PCDH9: variants seen among roughly 807,000 people sequenced by gnomAD.
PCDH9 encodes protocadherin 9.
PCDH9 carries 24 observed loss-of-function variants against 70.6 expected under a neutral mutation model. That is an observed-to-expected ratio of 0.34 (90% CI 0.25 to 0.48). PCDH9 has a LOEUF of 0.48. Among genes scored for constraint, PCDH9 ranks in the 20% least tolerant of loss-of-function variants. The probability of loss-of-function intolerance (pLI) is 0.99; values close to 1 mark genes in which losing one functional copy is unlikely to be tolerated. For synonymous variants in PCDH9, 562 were observed against 558.5 expected (o/e 1.01, Z -0.09); for missense variants, 1,281 against 1,503.6 (o/e 0.85, Z 2.45).
At chr13:67,105,608 C>A (rs973093873) in intron 2 of PCDH9, among the ~76,000 whole-genome samples, 1 of 152,020 alleles carries the variant, frequency 6.6e-6, no homozygotes, top group Non-Finnish European at 1.5e-5. Context: ...AGAAATGATG[C>A]AGCATCTTTT....
At chr13:67,107,868 G>A (rs1037409390) in intron 2 of PCDH9, among the ~76,000 whole-genome samples, 5 of 152,222 alleles carry the variant, frequency 3.3e-5, no homozygotes, top group South Asian at 4.1e-4. Context: ...AGCCAGGGCT[G>A]TAACACCCTC....
intron 4 of PCDH9, among the ~76,000 whole-genome samples, chr13:66,510,997 A>G (rs1208430487): frequency 2.0e-5 from 3 of 152,182 alleles, no homozygotes; most frequent in African/African-American, 7.2e-5. Flanking sequence ...TGTTGTGGCA[A>G]TGTTTCCTTT....
At chr13:66,467,415 T>C (rs1340816951) in intron 4 of PCDH9, among the ~76,000 whole-genome samples, 1 of 152,040 alleles carries the variant, frequency 6.6e-6, no homozygotes, top group Non-Finnish European at 1.5e-5. Context: ...CTAGAAATTG[T>C]CTACCCCTCT....
At chr13:66,453,754 A>G (rs1056477208) in intron 4 of PCDH9, among the ~76,000 whole-genome samples, 5 of 152,272 alleles carry the variant, frequency 3.3e-5, no homozygotes, top group East Asian at 1.9e-4. Context: ...GAGGACATCA[A>G]TGGATTCTAC....
intron 3 of PCDH9, among the ~76,000 whole-genome samples, chr13:66,828,930 TTATCTC>T (rs1594115108): frequency 6.6e-6 from 1 of 152,092 alleles, no homozygotes; most frequent in East Asian, 1.9e-4. Context: ...ATAAGGATGT[TTATCTC>T]TATTAGGTGT....
chr13:67,164,981 C>A (rs776425591), intron 2 of PCDH9, among the ~76,000 whole-genome samples: 10 of 152,126 alleles, frequency 6.6e-5, no homozygotes, highest in Non-Finnish European at 5.9e-5. Flanking sequence ...AAAGCCCCAG[C>A]AGGGGAGAGA....
At chr13:67,094,405 C>CAT (rs2138220755) in intron 2 of PCDH9, among the ~76,000 whole-genome samples, 1 of 152,266 alleles carries the variant, frequency 6.6e-6, no homozygotes, top group African/African-American at 2.4e-5. Context: ...AGCTAATAGT[C>CAT]ATAGGTTAAA....
intron 4 of PCDH9, among the ~76,000 whole-genome samples, chr13:66,513,734 C>G (rs1959599508): frequency 6.6e-6 from 1 of 150,460 alleles, no homozygotes. Flanking sequence ...AAAAAAAAAG[C>G]CTGAACTATA....
At chr13:66,371,567 T>C (rs1260860802) in intron 4 of PCDH9, among the ~76,000 whole-genome samples, 1 of 151,994 alleles carries the variant, frequency 6.6e-6, no homozygotes, top group Non-Finnish European at 1.5e-5. Flanking sequence ...AAATAATGTG[T>C]CCTTTTGCAC....
intron 3 of PCDH9, among the ~76,000 whole-genome samples, chr13:66,744,582 G>C (rs888350870): frequency 6.6e-6 from 1 of 152,022 alleles, no homozygotes; most frequent in Non-Finnish European, 1.5e-5. Context: ...CTAGAAAGTT[G>C]TATGTCATTT....
rs77390710 is a variant in PCDH9, at chr13:66,902,644, C to T, written c.3138+860G>A. ...TATATGTTACAGCTGTAAAAAAATA[C>T]GTGAAACAGTATGTATGTTTTAATA... On this transcript the variant is annotated intron_variant, in intron 3 of 4. Coordinates refer to ENST00000377865, the MANE Select transcript of PCDH9 (RefSeq NM_203487.3). Among the ~76,000 whole-genome samples the T allele has an allele frequency of 4.7e-4, 71 of 151,564 alleles. 2 individuals carry two copies. In the East Asian group the frequency reaches 7.9e-3, roughly 17 times the overall value.
chr13:66,840,103 T>C (rs1405947173), intron 3 of PCDH9, among the ~76,000 whole-genome samples: 2 of 152,008 alleles, frequency 1.3e-5, no homozygotes, highest in Non-Finnish European at 2.9e-5. Context: ...GTTCACACCA[T>C]CTCTTCCCAC....
At chr13:66,873,674 T>G (rs2081740163) in intron 3 of PCDH9, among the ~76,000 whole-genome samples, 1 of 151,974 alleles carries the variant, frequency 6.6e-6, no homozygotes. Flanking sequence ...CCTCCCACAC[T>G]CCCACTCCCA....
At chr13:66,754,594 G>C (rs1014783294) in intron 3 of PCDH9, among the ~76,000 whole-genome samples, 1 of 152,040 alleles carries the variant, frequency 6.6e-6, no homozygotes, top group Non-Finnish European at 1.5e-5. Flanking sequence ...AGACGCTATA[G>C]GAATTCTGAA....
intron 3 of PCDH9, among the ~76,000 whole-genome samples, chr13:66,700,991 A>G (rs2078639111): frequency 7.5e-6 from 1 of 132,524 alleles, no homozygotes; most frequent in African/African-American, 2.8e-5. Flanking sequence ...GGTATAGGGC[A>G]TTAATTTAGA....
intron 3 of PCDH9, among the ~76,000 whole-genome samples, chr13:66,633,839 T>C (rs549047156): frequency 6.6e-6 from 1 of 152,218 alleles, no homozygotes; most frequent in Non-Finnish European, 1.5e-5. Context: ...TTAATGACGA[T>C]ATTTCTTCCT....
chr13:66,653,003 A>G (rs2077874614), intron 3 of PCDH9, among the ~76,000 whole-genome samples: 1 of 152,212 alleles, frequency 6.6e-6, no homozygotes, highest in Non-Finnish European at 1.5e-5. Context: ...ATAAAAATGT[A>G]TTAAAGACTT....
intron 3 of PCDH9, among the ~76,000 whole-genome samples, chr13:66,658,646 C>T (rs2077964650): frequency 6.6e-6 from 1 of 152,122 alleles, no homozygotes; most frequent in South Asian, 2.1e-4. Context: ...TGTATCTATA[C>T]ATTCTAGGTT....
rs763715477 is a variant in PCDH9, at chr13:67,226,662, T to C, written c.1779A>G (p.Val593=). ...CAGCATCTGCATCTGTCACTGTGAT[T>C]ACCCCCACAGTACTATACTTTGGCA... ...ENLPKYSTVG[V]ITVTDADAGE... The change falls in exon 2 of 5, where the codon GTA becomes GTG. Residue 593 remains valine, a synonymous_variant. Transcript: ENST00000377865. The surrounding 1 kb of genome is among the most constrained non-coding windows in gnomAD (Gnocchi z 5.0). 32 of 1,612,500 alleles carry C rather than the reference T, an allele frequency of 2.0e-5. No homozygotes were observed. The highest frequency in any genetic ancestry group is 1.6e-4 in the Middle Eastern group (1 of 6,062).
Sources: gnomAD v4.1 joint callset for allele counts (sites outside exome capture counted in the v4.1 genomes callset) on GRCh38, gnomAD v4.1.1 for gene constraint, Gnocchi (gnomAD v3.1) non-coding constraint, MANE v1.5 for transcripts, NCBI Gene and HGNC (gene_info 2026-07-23, HGNC 2026-07-21) for gene names.